RAP1GAP2: variants seen among roughly 807,000 people sequenced by gnomAD.
The protein encoded by RAP1GAP2 is RAP1 GTPase activating protein 2.
In RAP1GAP2, 27 loss-of-function variants were observed where a neutral mutation model predicts 95.0. The ratio of observed to expected loss-of-function variants is 0.28; its 90% CI spans 0.21 to 0.39. RAP1GAP2 has a LOEUF of 0.39. Ranked by LOEUF, RAP1GAP2 falls within the 10% of genes least tolerant of loss-of-function variation. The pLI is 1.00. For missense variants in RAP1GAP2, 771 were observed against 970.0 expected, an observed-to-expected ratio of 0.79 and a Z score of 2.72; for synonymous variants, 373 against 380.9, an observed-to-expected ratio of 0.98 and a Z score of 0.24.
In RAP1GAP2 at chr17:3,020,638, CT is replaced by C. The variant is rs746905047; in HGVS notation, c.1751+44del. 13 of 1,535,418 alleles carry C rather than the reference CT, an allele frequency of 8.5e-6. No homozygotes were observed. In the Admixed American group the frequency reaches 2.3e-4, roughly 27 times the overall value. ...CCTACCCCAGCCTGACTTGCGGGGT[CT>C]GTCAACCCCCTCCACTGCTACAGCT... is the stretch of plus-strand genomic sequence containing the variant. On this transcript the variant is annotated intron_variant, in intron 19 of 24. Transcript: ENST00000254695.
chr17:2,876,820 C>T (rs141538861), intron 2 of RAP1GAP2, among the ~76,000 whole-genome samples: 5 of 152,032 alleles, frequency 3.3e-5, no homozygotes, highest in African/African-American at 1.2e-4. Context: ...CTTTGGAATG[C>T]CCTTGGCTGA....
At chr17:2,839,196 G>T (rs1228956857) in intron 2 of RAP1GAP2, among the ~76,000 whole-genome samples, 1 of 151,958 alleles carries the variant, frequency 6.6e-6, no homozygotes, top group Non-Finnish European at 1.5e-5. Context: ...CCAGCTGCTC[G>T]GGAGGCTGAG....
intron 1 of RAP1GAP2, among the ~76,000 whole-genome samples, chr17:2,758,187 T>C (rs2071184003): frequency 7.1e-6 from 1 of 141,674 alleles, no homozygotes; most frequent in African/African-American, 2.6e-5. Flanking sequence ...CCCCCTTTTT[T>C]TTTTTTAAGA....
intron 13 of RAP1GAP2, 99 bp downstream of exon 13, chr17:2,995,565 G>A (rs996699106): frequency 2.0e-6 from 3 of 1,491,452 alleles, no homozygotes; most frequent in African/African-American, 1.4e-5. Context: ...CCCCATATTC[G>A]TTCCCGTAGC....
chr17:2,960,305 A>G (rs914418065), intron 4 of RAP1GAP2, among the ~76,000 whole-genome samples: 1 of 152,026 alleles, frequency 6.6e-6, no homozygotes, highest in Non-Finnish European at 1.5e-5. Context: ...GACAGGGATG[A>G]CTAATGCAGG....
chr17:2,838,299 T>A (rs983616070), intron 2 of RAP1GAP2, among the ~76,000 whole-genome samples: 3 of 152,136 alleles, frequency 2.0e-5, no homozygotes, highest in African/African-American at 7.2e-5. Flanking sequence ...ATTACAGGTG[T>A]GAGCCACGGC....
intron 3 of RAP1GAP2, among the ~76,000 whole-genome samples, chr17:2,926,118 T>C (rs2042947461): frequency 7.2e-6 from 1 of 138,330 alleles, no homozygotes; most frequent in South Asian, 2.3e-4. Context: ...ACAGCAAGCC[T>C]CTGTCTCAAA....
intron 3 of RAP1GAP2, among the ~76,000 whole-genome samples, chr17:2,921,576 C>CGCAGGGCCTTTAAGGTGTCT (rs1567780572): frequency 3.0e-4 from 46 of 151,850 alleles, no homozygotes; most frequent in African/African-American, 1.0e-3. Context: ...TTAAAGTGTC[C>CGCAGGGCCTTTAAGGTGTCT]GCAGGGCCTT....
chr17:2,910,680 G>A (rs1398092789), intron 3 of RAP1GAP2, among the ~76,000 whole-genome samples: 3 of 152,084 alleles, frequency 2.0e-5, no homozygotes, highest in African/African-American at 7.2e-5. Flanking sequence ...CTCTCCCAAC[G>A]CAACGCCGTT....
intron 1 of RAP1GAP2, among the ~76,000 whole-genome samples, chr17:2,768,671 A>G (rs1456930662): frequency 6.7e-6 from 1 of 148,864 alleles, no homozygotes. Context: ...TAGGCTGGGC[A>G]ACAAGAGCGA....
chr17:2,947,418 G>A (rs374566293), intron 3 of RAP1GAP2, among the ~76,000 whole-genome samples: 28 of 152,150 alleles, frequency 1.8e-4, no homozygotes, highest in African/African-American at 6.0e-4. Context: ...ACACTGGCCC[G>A]TCCAGCCCTG....
At chr17:2,768,429 C>T (rs903991475) in intron 1 of RAP1GAP2, among the ~76,000 whole-genome samples, 1 of 152,158 alleles carries the variant, frequency 6.6e-6, no homozygotes, top group African/African-American at 2.4e-5. Flanking sequence ...TGGTGGCTCA[C>T]GCCTGCAATC....
intron 2 of RAP1GAP2, among the ~76,000 whole-genome samples, chr17:2,803,601 A>T (rs1048052502): frequency 2.6e-5 from 4 of 152,258 alleles, no homozygotes; most frequent in Non-Finnish European, 5.9e-5. Flanking sequence ...TATCGCGGCC[A>T]GGCGCGATGG....
In RAP1GAP2 at chr17:2,965,741, C is replaced by T; in HGVS notation, c.596+98C>T. 2 of 915,952 alleles carry T rather than the reference C, an allele frequency of 2.2e-6. No individual in the cohort carries two copies. The highest frequency in any genetic ancestry group is 3.4e-6 in the Non-Finnish European group (2 of 584,882). 56.7% of individuals were successfully genotyped at this position (915,952 alleles called of 1,614,324 possible). A position where few individuals can be genotyped will look rare whatever the true frequency, so the allele number is the denominator to read the frequency against. On this transcript the variant is annotated intron_variant, in intron 8 of 24. Coordinates refer to ENST00000254695, the MANE Select transcript of RAP1GAP2 (RefSeq NM_015085.5). This position sits in a 1 kb window ranked among gnomAD's most constrained non-coding sequence, Gnocchi z 4.7. ...TGGGACTCAGAAATACCAGACTGAC[C>T]AGTCTGGTCTGGGTGCACTGGCTGA...
At chr17:2,949,556 G>A (rs1369811411) in intron 3 of RAP1GAP2, among the ~76,000 whole-genome samples, 8 of 152,132 alleles carry the variant, frequency 5.3e-5, no homozygotes, top group African/African-American at 1.9e-4. Context: ...TATGCCCTGA[G>A]CATTAACTGA....
chr17:2,942,689 G>T (rs1308657960), intron 3 of RAP1GAP2, among the ~76,000 whole-genome samples: 1 of 152,066 alleles, frequency 6.6e-6, no homozygotes, highest in African/African-American at 2.4e-5. Flanking sequence ...TAAAATTAAT[G>T]ATCTTAAAGT....
intron 3 of RAP1GAP2, among the ~76,000 whole-genome samples, chr17:2,939,609 A>G (rs1249606795): frequency 1.3e-5 from 2 of 152,188 alleles, no homozygotes; most frequent in Non-Finnish European, 2.9e-5. Flanking sequence ...CAGGCCCAAC[A>G]CTGTGGCTGG....
At chr17:2,922,407 C>T (rs929807578) in intron 3 of RAP1GAP2, among the ~76,000 whole-genome samples, 2 of 152,230 alleles carry the variant, frequency 1.3e-5, no homozygotes, top group African/African-American at 2.4e-5. Flanking sequence ...GTTACACACT[C>T]AGGTTCCTGG....
chr17:2,863,176 T>C (rs960391935), intron 2 of RAP1GAP2, among the ~76,000 whole-genome samples: 49 of 151,906 alleles, frequency 3.2e-4, no homozygotes, highest in African/African-American at 1.1e-3. Flanking sequence ...CTGAAGAGGG[T>C]CTCGAAGAAT....
Sources: gnomAD v4.1 joint callset for allele counts (sites outside exome capture counted in the v4.1 genomes callset) on GRCh38, gnomAD v4.1.1 for gene constraint, Gnocchi (gnomAD v3.1) non-coding constraint, MANE v1.5 for transcripts, NCBI Gene and HGNC (gene_info 2026-07-23, HGNC 2026-07-21) for gene names.